The following PRPSAP2 variants were observed in gnomAD, a reference collection of about 807,000 sequenced individuals.
The protein encoded by PRPSAP2 is phosphoribosyl pyrophosphate synthase-associated protein 2.
A neutral mutation model predicts 40.6 loss-of-function variants in PRPSAP2; 24 were observed. The ratio of observed to expected loss-of-function variants is 0.59; its 90% confidence interval spans 0.43 to 0.83. The LOEUF is 0.83. PRPSAP2 is among the 40% of genes least tolerant of loss of function. The probability of loss-of-function intolerance (pLI) is 0.00; values close to 1 mark genes in which losing one functional copy is unlikely to be tolerated. For synonymous variants in PRPSAP2, 149 were observed against 164.7 expected (o/e 0.90, Z 0.73); for missense variants, 292 against 465.6 (o/e 0.63, Z 3.43).
chr17:18,871,668 T>C (rs901655038), intron 4 of PRPSAP2, among the ~76,000 whole-genome samples: 43 of 150,262 alleles, frequency 2.9e-4, no homozygotes, highest in African/African-American at 9.7e-4. Context: ...TTTTTTTTTT[T>C]TTTTTTTTTG....
chr17:18,908,899 C>T (rs552530133), intron 8 of PRPSAP2: 77 of 466,468 alleles, frequency 1.7e-4, no homozygotes, highest in African/African-American at 1.4e-3. Context: ...CCTCCCTTTC[C>T]TTTCCTTTTC....
At chr17:18,863,831 CTTTTTTTTTT>C (rs34770102) in intron 1 of PRPSAP2, among the ~76,000 whole-genome samples, 17 of 86,052 alleles carry the variant, frequency 2.0e-4, no homozygotes, top group African/African-American at 8.5e-4. Context: ...ACTGCGTGGC[CTTTTTTTTTT>C]TTTTTTTTTT....
chr17:18,880,958 C>T (rs1158476558), intron 6 of PRPSAP2, among the ~76,000 whole-genome samples: 1 of 152,070 alleles, frequency 6.6e-6, no homozygotes. Context: ...CTCAGCCTCC[C>T]TAGAAGCTGA....
intron 8 of PRPSAP2, among the ~76,000 whole-genome samples, chr17:18,910,648 A>G (rs1334869959): frequency 6.6e-6 from 1 of 152,186 alleles, no homozygotes; most frequent in Admixed American, 6.5e-5. Flanking sequence ...ATGAAATTAT[A>G]TACTTTAGAT....
chr17:18,912,910 A>G (rs918347287), intron 9 of PRPSAP2, among the ~76,000 whole-genome samples: 6 of 152,208 alleles, frequency 3.9e-5, no homozygotes, highest in African/African-American at 1.4e-4. Context: ...CAGACAAACA[A>G]CATTAAATCT....
At chr17:18,863,499 C>G (rs2037192601) in intron 1 of PRPSAP2, among the ~76,000 whole-genome samples, 1 of 150,736 alleles carries the variant, frequency 6.6e-6, no homozygotes, top group Admixed American at 6.7e-5. Context: ...TCTTTCTTTT[C>G]TTTCTTTCTT....
intron 10 of PRPSAP2, chr17:18,928,126 TA>T (rs2042064782): frequency 6.5e-6 from 1 of 153,862 alleles, no homozygotes; most frequent in African/African-American, 2.4e-5. Flanking sequence ...AGTATGCAAT[TA>T]AAGAGTAATA....
intron 8 of PRPSAP2, among the ~76,000 whole-genome samples, chr17:18,893,901 T>G (rs2039744432): frequency 6.6e-6 from 1 of 152,096 alleles, no homozygotes; most frequent in Non-Finnish European, 1.5e-5. Context: ...GGAGTTTCAC[T>G]CTTGTTGCCC....
At chr17:18,921,839 A>G (rs1286961959) in intron 9 of PRPSAP2, among the ~76,000 whole-genome samples, 1 of 152,234 alleles carries the variant, frequency 6.6e-6, no homozygotes, top group Admixed American at 6.5e-5. Context: ...TCAAAGTCAC[A>G]TAACATAGAA....
At chr17:18,890,233 G>T (rs975670037) in intron 8 of PRPSAP2, among the ~76,000 whole-genome samples, 1 of 151,646 alleles carries the variant, frequency 6.6e-6, no homozygotes, top group Admixed American at 6.6e-5. Context: ...GCAGTGGCGC[G>T]ATCTCGGCTC....
chr17:18,871,386 A>AT (rs1055108094), intron 4 of PRPSAP2, among the ~76,000 whole-genome samples: 79 of 152,142 alleles, frequency 5.2e-4, no homozygotes, highest in Non-Finnish European at 8.2e-4. Context: ...AGTTCAAGGG[A>AT]TTTTTTTTAA....
At chr17:18,863,592 G>A (rs1221091436) in intron 1 of PRPSAP2, among the ~76,000 whole-genome samples, 1 of 151,774 alleles carries the variant, frequency 6.6e-6, no homozygotes, top group Non-Finnish European at 1.5e-5. Context: ...GAGTGCAGTG[G>A]CGCGATCTTG....
intron 4 of PRPSAP2, among the ~76,000 whole-genome samples, chr17:18,871,691 G>A (rs953123933): frequency 2.9e-5 from 4 of 137,930 alleles, no homozygotes; most frequent in East Asian, 2.2e-4. Flanking sequence ...ACGGAGTTTC[G>A]CTCTTGTTGC....
At chr17:18,879,250 A>G (rs2038536529) in intron 6 of PRPSAP2, among the ~76,000 whole-genome samples, 1 of 151,474 alleles carries the variant, frequency 6.6e-6, no homozygotes. Flanking sequence ...ATATCACTGC[A>G]TTTTAAGACA....
At chr17:18,859,425 A>G (rs1360691300) in intron 1 of PRPSAP2, 1 of 152,208 alleles carries the variant, frequency 6.6e-6, no homozygotes, top group Non-Finnish European at 1.5e-5. Flanking sequence ...ACTACTACAA[A>G]TCATGCTGAG....
At chr17:18,884,253 C>A (rs991722806) in intron 7 of PRPSAP2, among the ~76,000 whole-genome samples, 1 of 151,528 alleles carries the variant, frequency 6.6e-6, no homozygotes, top group Admixed American at 6.6e-5. Flanking sequence ...GGTGACAGAG[C>A]GAGACTATCT....
rs997272004 is a variant in PRPSAP2, at chr17:18,910,925, G to A, written c.585-178G>A. 1.4e-4 allele frequency among the ~76,000 whole-genome samples: 21 copies of A among 152,322 alleles called. No homozygotes were observed. In the East Asian group the frequency reaches 3.9e-3, roughly 28 times the overall value. On this transcript the variant is annotated intron_variant, in intron 8 of 11. Transcript: ENST00000268835. ...TGCTGCAGAGGGAAGTGTTTGGCAT[G>A]TGGGGTCTCTACAGTTAGTCCTGGT... is the stretch of plus-strand genomic sequence containing the variant.
At chr17:18,881,152 G>A (rs1222184826) in intron 6 of PRPSAP2, among the ~76,000 whole-genome samples, 1 of 148,946 alleles carries the variant, frequency 6.7e-6, no homozygotes, top group Non-Finnish European at 1.5e-5. Context: ...AAATTGATGT[G>A]AAAATCAGGC....
chr17:18,900,722 C>A (rs2040214730), intron 8 of PRPSAP2, among the ~76,000 whole-genome samples: 1 of 152,034 alleles, frequency 6.6e-6, no homozygotes, highest in African/African-American at 2.4e-5. Flanking sequence ...CTTGTGTGGA[C>A]CACCTAAGGT....
Sources: allele counts gnomAD v4.1 joint callset (sites outside exome capture counted in the v4.1 genomes callset), GRCh38; gene constraint gnomAD v4.1.1; transcripts MANE v1.5; gene names NCBI Gene and HGNC (gene_info 2026-07-23, HGNC 2026-07-21).